HS3ST4: variants seen among roughly 807,000 people sequenced by gnomAD.
HS3ST4 encodes the protein heparan sulfate-glucosamine 3-sulfotransferase 4.
Under a neutral mutation model 29.2 loss-of-function variants are expected in HS3ST4, and 17 were observed. That is an observed-to-expected ratio of 0.58 (90% CI 0.40 to 0.87). HS3ST4 has a LOEUF of 0.87. HS3ST4 is among the 40% of genes least tolerant of loss of function. HS3ST4 has a pLI of 0.00. For synonymous variants in HS3ST4, 314 were observed against 285.7 expected, an observed-to-expected ratio of 1.10 and a Z score of -1.00; for missense variants, 627 against 634.5, an observed-to-expected ratio of 0.99 and a Z score of 0.13.
chr16:26,057,467 G>T (rs1384098933), intron 1 of HS3ST4, among the ~76,000 whole-genome samples: 1 of 152,154 alleles, frequency 6.6e-6, no homozygotes, highest in African/African-American at 2.4e-5. Flanking sequence ...TCTAAAAGCT[G>T]GTGCAGGCTG....
Position 25,981,291 on chromosome 16 carries a change from C to T in HS3ST4, c.735-154321C>T, listed in dbSNP as rs1020755990. On this transcript the variant is annotated intron_variant, in intron 1 of 1. Transcript: ENST00000331351. ...GGCGGAGGTTGCAGTGAGCTGAGAT[C>T]GTGCCATTGCACTCCAGCCTGGGGG... 2.6e-5 allele frequency among the ~76,000 whole-genome samples: 4 copies of T among 151,660 alleles called. No individual in the cohort carries two copies. The East Asian group carries it at 5.9e-4, about 22-fold the overall frequency.
intron 1 of HS3ST4, among the ~76,000 whole-genome samples, chr16:25,809,178 A>G (rs1967017901): frequency 2.0e-5 from 3 of 152,126 alleles, no homozygotes. Flanking sequence ...TTCTGATATT[A>G]GTGAGAAAGT....
At chr16:26,068,573 C>G (rs1051823430) in intron 1 of HS3ST4, among the ~76,000 whole-genome samples, 1 of 152,140 alleles carries the variant, frequency 6.6e-6, no homozygotes, top group African/African-American at 2.4e-5. Flanking sequence ...CCCTAAACTT[C>G]CCCTCTCCAT....
intron 1 of HS3ST4, among the ~76,000 whole-genome samples, chr16:25,817,450 T>C (rs1440985279): frequency 6.6e-6 from 1 of 152,190 alleles, no homozygotes; most frequent in Non-Finnish European, 1.5e-5. Flanking sequence ...AAATCAGCCA[T>C]AGATAATATG....
chr16:26,100,239 C>T (rs1307509254), intron 1 of HS3ST4, among the ~76,000 whole-genome samples: 1 of 152,146 alleles, frequency 6.6e-6, no homozygotes, highest in Non-Finnish European at 1.5e-5. Context: ...ACTTTTGCAT[C>T]ACACAATATT....
chr16:26,077,504 C>T (rs928934165), intron 1 of HS3ST4, among the ~76,000 whole-genome samples: 7 of 152,196 alleles, frequency 4.6e-5, no homozygotes, highest in African/African-American at 1.7e-4. Context: ...AAGTTAACCC[C>T]TTGTTCCACT....
rs571759183 is a variant in HS3ST4, at chr16:25,777,627, G to T, written c.734+84476G>T. Among the ~76,000 whole-genome samples, 39 of 152,260 alleles carry T rather than the reference G, an allele frequency of 2.6e-4. No individual in the cohort carries two copies. The East Asian group carries it at 7.0e-3, about 27-fold the overall frequency. On this transcript the variant is annotated intron_variant, in intron 1 of 1. Transcript: ENST00000331351. ...TACTAAAAATACAAAAATTAGCCGGGCATGGTGCCAGGCGCCTGTAGTCCC... is the reference window on the plus strand; with the variant it reads ...TACTAAAAATACAAAAATTAGCCGGTCATGGTGCCAGGCGCCTGTAGTCCC...
chr16:26,081,870 A>G (rs1487783460), intron 1 of HS3ST4, among the ~76,000 whole-genome samples: 1 of 135,888 alleles, frequency 7.4e-6, no homozygotes, highest in Admixed American at 8.9e-5. Flanking sequence ...ATCTTGGCTC[A>G]CTGCAACCTC....
intron 1 of HS3ST4, among the ~76,000 whole-genome samples, chr16:25,846,355 A>G (rs1190075306): frequency 6.6e-6 from 1 of 152,146 alleles, no homozygotes. Context: ...GCGACACAGT[A>G]AGACCCTGTC....
At chr16:26,059,665 CATG>C (rs1262931713) in intron 1 of HS3ST4, among the ~76,000 whole-genome samples, 1 of 152,214 alleles carries the variant, frequency 6.6e-6, no homozygotes. Context: ...CTGTGAAGAT[CATG>C]ATAACACCTC....
chr16:26,106,085 C>T (rs545865899), intron 1 of HS3ST4, among the ~76,000 whole-genome samples: 4 of 152,246 alleles, frequency 2.6e-5, no homozygotes, highest in East Asian at 1.9e-4. Context: ...TTCCTAAGAC[C>T]GTAGACCCAG....
At chr16:25,926,818 A>G (rs992040924) in intron 1 of HS3ST4, among the ~76,000 whole-genome samples, 9 of 152,198 alleles carry the variant, frequency 5.9e-5, no homozygotes, top group African/African-American at 1.9e-4. Flanking sequence ...TGGTTTGCCC[A>G]TAAGACCCAT....
intron 1 of HS3ST4, among the ~76,000 whole-genome samples, chr16:25,887,989 G>A (rs370247544): frequency 2.3e-4 from 35 of 152,150 alleles, no homozygotes; most frequent in African/African-American, 7.5e-4. Flanking sequence ...GAGCCACCGC[G>A]CCCGTCCCGC....
chr16:25,795,844 T>G (rs768740891), intron 1 of HS3ST4, among the ~76,000 whole-genome samples: 4 of 152,196 alleles, frequency 2.6e-5, no homozygotes, highest in Non-Finnish European at 4.4e-5. Context: ...ACCCTCTACG[T>G]GTCCCAACTT....
intron 1 of HS3ST4, among the ~76,000 whole-genome samples, chr16:25,800,064 G>GCCTTCCTT (rs375409683): frequency 6.2e-4 from 92 of 147,750 alleles, no homozygotes; most frequent in African/African-American, 1.5e-3. Flanking sequence ...TTGCCTTCCT[G>GCCTTCCTT]CCTTCCTTCC....
chr16:25,696,265 C>T (rs1435304983), intron 1 of HS3ST4, among the ~76,000 whole-genome samples: 1 of 152,168 alleles, frequency 6.6e-6, no homozygotes, highest in Non-Finnish European at 1.5e-5. Flanking sequence ...AGCCACAGTG[C>T]ACTTTTCAGA....
At chr16:26,033,489 T>G (rs901037845) in intron 1 of HS3ST4, among the ~76,000 whole-genome samples, 1 of 142,816 alleles carries the variant, frequency 7.0e-6, no homozygotes, top group East Asian at 2.0e-4. Flanking sequence ...CACTCCAGCA[T>G]GGGTGACTGT....
At chr16:25,838,244 C>A (rs1967380455) in intron 1 of HS3ST4, among the ~76,000 whole-genome samples, 1 of 152,234 alleles carries the variant, frequency 6.6e-6, no homozygotes, top group South Asian at 2.1e-4. Context: ...TTGCTAAAAG[C>A]TATCTTAGCT....
chr16:26,039,692 AT>A (rs1199086465), intron 1 of HS3ST4, among the ~76,000 whole-genome samples: 3 of 151,970 alleles, frequency 2.0e-5, no homozygotes, highest in African/African-American at 7.2e-5. Flanking sequence ...TATTCATTCT[AT>A]TTTTTTGTAC....
Sources: gnomAD v4.1 joint callset for allele counts (sites outside exome capture counted in the v4.1 genomes callset) on GRCh38, gnomAD v4.1.1 for gene constraint, MANE v1.5 for transcripts, NCBI Gene and HGNC (gene_info 2026-07-23, HGNC 2026-07-21) for gene names.